Variants in TMEM132D observed in about 807,000 individuals in gnomAD.
TMEM132D encodes mature OL transmembrane protein.
TMEM132D carries 21 observed loss-of-function variants against 62.3 expected under a neutral mutation model. The observed-to-expected ratio is 0.34, with a 90% CI of 0.24 to 0.49. The LOEUF is 0.49. Among genes scored for constraint, TMEM132D ranks in the 20% least tolerant of loss-of-function variants. The pLI, the probability that TMEM132D is intolerant of heterozygous loss-of-function variation, is 0.99. For synonymous variants in TMEM132D, 621 were observed against 575.6 expected (o/e 1.08, Z -1.13); for missense variants, 1,346 against 1,402.8 (o/e 0.96, Z 0.65).
intron 3 of TMEM132D, among the ~76,000 whole-genome samples, chr12:129,437,904 G>A (rs541549431): frequency 3.4e-3 from 41 of 12,192 alleles, no homozygotes; most frequent in Non-Finnish European, 6.3e-3. Context: ...CCCTCCCCCC[G>A]ACAGGCCCCA....
chr12:129,490,480 G>A lies in TMEM132D; in HGVS notation c.1115+40579C>T, dbSNP rs961328085. On this transcript the variant is annotated intron_variant, in intron 3 of 8. Transcript: ENST00000422113. ...GAGTCTCGCTGTCTCCCAGCCTGGA[G>A]TGCAGTGGCGCGATCTCGGCTCACT... is the stretch of plus-strand genomic sequence containing the variant. Among the ~76,000 whole-genome samples, 11 of 130,172 alleles carry A rather than the reference G, an allele frequency of 8.5e-5. No individual in the cohort carries two copies. In the East Asian group the frequency reaches 2.6e-3, roughly 30 times the overall value. The allele number at this position is 130,172 out of a possible 152,430, so 85.4% of individuals were successfully genotyped here. A position where few individuals can be genotyped will look rare whatever the true frequency, so the allele number is the denominator to read the frequency against.
chr12:129,615,254 C>T (rs1344478514), intron 2 of TMEM132D, among the ~76,000 whole-genome samples: 1 of 152,066 alleles, frequency 6.6e-6, no homozygotes, highest in Admixed American at 6.6e-5. Context: ...TGAATTATTT[C>T]ACCTCTAGGC....
chr12:129,441,408 C>A (rs1214820164), intron 3 of TMEM132D, among the ~76,000 whole-genome samples: 1 of 152,178 alleles, frequency 6.6e-6, no homozygotes, highest in East Asian at 1.9e-4. Context: ...AATGGCGCAT[C>A]TCTAGTGATG....
At chr12:129,734,925 CA>C (rs1383678388) in intron 1 of TMEM132D, among the ~76,000 whole-genome samples, 1 of 152,018 alleles carries the variant, frequency 6.6e-6, no homozygotes, top group Non-Finnish European at 1.5e-5. Flanking sequence ...CTATAAAAGG[CA>C]AGTAACCTGA....
At chr12:129,115,357 T>C (rs774367662) in intron 5 of TMEM132D, among the ~76,000 whole-genome samples, 4 of 152,106 alleles carry the variant, frequency 2.6e-5, no homozygotes, top group East Asian at 1.9e-4. Context: ...CTTGGAAGGA[T>C]GGGAGAGTGT....
chr12:129,185,410 G>T (rs1472539079), intron 5 of TMEM132D, among the ~76,000 whole-genome samples: 1 of 152,162 alleles, frequency 6.6e-6, no homozygotes, highest in Non-Finnish European at 1.5e-5. Context: ...ACAAGTGAAT[G>T]CATGTTAAAT....
In TMEM132D at chr12:129,712,216, C is replaced by G. The variant is rs182687359; in HGVS notation, c.80-11518G>C. Among the ~76,000 whole-genome samples, 735 of 152,110 alleles carry G rather than the reference C, an allele frequency of 4.8e-3. 7 individuals carry two copies. Among genetic ancestry groups the G allele is most frequent in the African/African-American group, 0.017 (707 of 41,496 alleles). ...CTCGGCTCACTGCAACATCTGCCTCCCAGGTTCAAGCGATTCTCCTGCCTC... is the reference window on the plus strand; with the variant it reads ...CTCGGCTCACTGCAACATCTGCCTCGCAGGTTCAAGCGATTCTCCTGCCTC... On this transcript the variant is annotated intron_variant, in intron 1 of 8. Transcript: ENST00000422113.
At chr12:129,087,739 G>A (rs549807117) in intron 5 of TMEM132D, among the ~76,000 whole-genome samples, 47 of 152,354 alleles carry the variant, frequency 3.1e-4, no homozygotes, top group African/African-American at 1.1e-3. Context: ...AACTGGAAGA[G>A]AATACATGGG....
In TMEM132D at chr12:129,451,109, C is replaced by T. The variant is rs868327855; in HGVS notation, c.1115+79950G>A. On this transcript the variant is annotated intron_variant, in intron 3 of 8. Coordinates refer to ENST00000422113, the MANE Select transcript of TMEM132D (RefSeq NM_133448.3). ...GCCTCCTTGGGCTCTGGAAGTGTGA[C>T]GTCTCTTCCTTCCTGATGCACTGAA... 1.1e-4 allele frequency among the ~76,000 whole-genome samples: 17 copies of T among 152,266 alleles called. No individual in the cohort carries two copies. The South Asian group carries it at 1.5e-3, about 13-fold the overall frequency.
rs201486523 is a variant in TMEM132D at position 129,560,424 on chromosome 12, C to CACCCAGCTA, written c.969-29228_969-29220dup. On this transcript the variant is annotated intron_variant, in intron 2 of 8. Transcript: ENST00000422113. Reference sequence around the variant, plus strand: ...TGGGATCACAGGTGTGCACCACTACCACCCAGCTAATTTTTTTGTATTTTT... The same window carrying CACCCAGCTA: ...TGGGATCACAGGTGTGCACCACTACCACCCAGCTAACCCAGCTAATTTTTTTGTATTTTT... 4.7e-3 allele frequency among the ~76,000 whole-genome samples: 720 copies of CACCCAGCTA among 151,978 alleles called. 13 individuals carry two copies. The South Asian group carries it at 0.054, about 11-fold the overall frequency.
At chr12:129,482,638 G>C (rs1874461557) in intron 3 of TMEM132D, among the ~76,000 whole-genome samples, 1 of 152,096 alleles carries the variant, frequency 6.6e-6, no homozygotes, top group Admixed American at 6.5e-5. Context: ...ATCAAATGAA[G>C]AAAATGGTAC....
intron 2 of TMEM132D, among the ~76,000 whole-genome samples, chr12:129,647,121 CATAT>C (rs34158444): frequency 0.1 from 14,751 of 145,674 alleles, 1,228 homozygotes; most frequent in East Asian, 0.41. Context: ...TACATACATA[CATAT>C]ATATATATAT....
chr12:129,175,776 C>A (rs1436319704), intron 5 of TMEM132D, among the ~76,000 whole-genome samples: 1 of 152,190 alleles, frequency 6.6e-6, no homozygotes, highest in Non-Finnish European at 1.5e-5. Flanking sequence ...TAATTTATTA[C>A]TGATGCAAAT....
intron 2 of TMEM132D, among the ~76,000 whole-genome samples, chr12:129,659,575 C>A (rs2137190422): frequency 6.7e-6 from 1 of 150,314 alleles, no homozygotes; most frequent in South Asian, 2.1e-4. Context: ...ATTTGATTTT[C>A]TTCTAATAAT....
chr12:129,851,093 T>C (rs2137353158), intron 1 of TMEM132D, among the ~76,000 whole-genome samples: 1 of 152,252 alleles, frequency 6.6e-6, no homozygotes, highest in East Asian at 1.9e-4. Context: ...GCTCGGAAAA[T>C]ATAGCTTTCA....
Position 129,779,111 on chromosome 12 carries a change from G to T in TMEM132D, c.80-78413C>A, listed in dbSNP as rs900351295. ...CCTTACCATTCTCATACAACGAGGCGACTGCAACAGCTCCAGGCATCACAT... is the reference window on the plus strand; with the variant it reads ...CCTTACCATTCTCATACAACGAGGCTACTGCAACAGCTCCAGGCATCACAT... On this transcript the variant is annotated intron_variant, in intron 1 of 8. Coordinates refer to ENST00000422113, the MANE Select transcript of TMEM132D (RefSeq NM_133448.3). This position sits in a 1 kb window ranked among gnomAD's most constrained non-coding sequence, Gnocchi z 4.1. Among the ~76,000 whole-genome samples the T allele has an allele frequency of 6.6e-6, 1 of 152,216 alleles. No individual in the cohort carries two copies. Among genetic ancestry groups the T allele is most frequent in the East Asian group, 1.9e-4 (1 of 5,174 alleles).
intron 1 of TMEM132D, among the ~76,000 whole-genome samples, chr12:129,890,298 C>T (rs1311271016): frequency 6.6e-6 from 1 of 152,132 alleles, no homozygotes; most frequent in Non-Finnish European, 1.5e-5. Context: ...ATCCGCCCTG[C>T]TTACATATTC....
At chr12:129,409,532 C>A in intron 3 of TMEM132D, among the ~76,000 whole-genome samples, 1 of 152,160 alleles carries the variant, frequency 6.6e-6, no homozygotes, top group East Asian at 1.9e-4. Flanking sequence ...AATTTTCATC[C>A]TGTGGGAGCT....
chr12:129,593,124 G>GA (rs34972391), intron 2 of TMEM132D, among the ~76,000 whole-genome samples: 53,175 of 151,572 alleles, frequency 0.35, 9,466 homozygotes, highest in African/African-American at 0.39. Context: ...TCACTCTGGG[G>GA]AAAAAAAAGG....
Sources: gnomAD v4.1 joint callset for allele counts (sites outside exome capture counted in the v4.1 genomes callset) on GRCh38, gnomAD v4.1.1 for gene constraint, Gnocchi (gnomAD v3.1) non-coding constraint, MANE v1.5 for transcripts, NCBI Gene and HGNC (gene_info 2026-07-23, HGNC 2026-07-21) for gene names.